The following ZBTB46 variants were observed in gnomAD, a reference collection of about 807,000 sequenced individuals.
ZBTB46 encodes the protein zinc finger and BTB domain-containing protein 46.
Under a neutral mutation model 44.1 loss-of-function variants are expected in ZBTB46, and 8 were observed. The observed-to-expected ratio is 0.18, with a 90% CI of 0.11 to 0.33. The LOEUF is 0.33. ZBTB46 is among the 10% of genes least tolerant of loss of function. ZBTB46 has a pLI of 1.00. For synonymous variants in ZBTB46, 409 were observed against 382.3 expected, an observed-to-expected ratio of 1.07 and a Z score of -0.81; for missense variants, 651 against 847.7, an observed-to-expected ratio of 0.77 and a Z score of 2.88.
At chr20:63,778,469 G>GGCAGGGGGCACTTGGA (rs895447108) in intron 2 of ZBTB46, among the ~76,000 whole-genome samples, 3 of 152,236 alleles carry the variant, frequency 2.0e-5, no homozygotes, top group Admixed American at 2.0e-4. Context: ...AGGGGCATGG[G>GGCAGGGGGCACTTGGA]GCAGGGGGCA....
At position 63,747,149 on chromosome 20, in the gene ZBTB46, G is replaced by A. The variant is rs747844724; in HGVS notation, c.1551C>T (p.Gly517=). Reference sequence around the variant, plus strand: ...CCTCTGGAGAGCCCTCGCCGCCTCCGCCGCCATGGTCCAGGGGCCCGGCCA... The same window carrying A: ...CCTCTGGAGAGCCCTCGCCGCCTCCACCGCCATGGTCCAGGGGCCCGGCCA... ...RGMAGPLDHG[G]GGGEGSPEAL... Residue 517 remains glycine (G), a synonymous_variant, in exon 5 of 5, where the codon GGC becomes GGT. Coordinates refer to ENST00000245663, the MANE Select transcript of ZBTB46 (RefSeq NM_001369741.1). 3 of 1,609,776 alleles carry A rather than the reference G, an allele frequency of 1.9e-6. No individual in the cohort carries two copies. Among genetic ancestry groups the A allele is most frequent in the South Asian group, 1.1e-5 (1 of 90,902 alleles).
At chr20:63,796,342 G>C (rs1261068905) in intron 1 of ZBTB46, among the ~76,000 whole-genome samples, 1 of 152,194 alleles carries the variant, frequency 6.6e-6, no homozygotes, top group African/African-American at 2.4e-5. Context: ...CCTGGCACGC[G>C]GCGTCCCGGG....
chr20:63,754,248 C>CT (rs2092198672), intron 3 of ZBTB46, among the ~76,000 whole-genome samples: 1 of 152,224 alleles, frequency 6.6e-6, no homozygotes, highest in African/African-American at 2.4e-5. Flanking sequence ...GGCCTGTCCT[C>CT]TGTCAGCCAC....
Position 63,790,076 on chromosome 20 carries a change from T to C in ZBTB46, c.682A>G (p.Ile228Val), listed in dbSNP as rs2092547807. The C allele has an allele frequency of 1.2e-6, 2 of 1,614,032 alleles. No individual in the cohort carries two copies. Among genetic ancestry groups the C allele is most frequent in the Non-Finnish European group, 1.7e-6 (2 of 1,180,026 alleles). ...GACGGTGAAACCTGCTCTTCCTTGATGCGCAGAGGCCCGTAGCCCACGTCT... is the reference window on the plus strand; with the variant it reads ...GACGGTGAAACCTGCTCTTCCTTGACGCGCAGAGGCCCGTAGCCCACGTCT... ...PGDVGYGPLR[I>V]KEEQVSPSQY... The change falls in exon 2 of 5, where the codon ATC becomes GTC. Residue 228 changes from isoleucine to valine, a missense_variant. Ile to Val is a conservative substitution (Grantham distance 29). Transcript: ENST00000245663.
chr20:63,770,464 T>C (rs1013125572), intron 3 of ZBTB46, among the ~76,000 whole-genome samples: 1 of 152,148 alleles, frequency 6.6e-6, no homozygotes, highest in African/African-American at 2.4e-5. Flanking sequence ...AGATTGATGG[T>C]CTAGTAATGA....
chr20:63,800,273 T>TAATA (rs771342049), intron 1 of ZBTB46, among the ~76,000 whole-genome samples: 10 of 152,184 alleles, frequency 6.6e-5, no homozygotes, highest in Non-Finnish European at 1.5e-5. Context: ...ATTCCCTTTA[T>TAATA]AGGAAACTCT....
At chr20:63,808,802 G>A (rs897132743) in intron 1 of ZBTB46, among the ~76,000 whole-genome samples, 29 of 151,816 alleles carry the variant, frequency 1.9e-4, no homozygotes, top group African/African-American at 6.0e-4. Context: ...GTGAAACCCC[G>A]TCTCTACTAA....
intron 2 of ZBTB46, among the ~76,000 whole-genome samples, chr20:63,779,404 TAA>T (rs1184998376): frequency 1.0e-3 from 108 of 106,766 alleles, no homozygotes; most frequent in African/African-American, 3.9e-3. Flanking sequence ...CCACGCCGGC[TAA>T]TTTTTTTTTT....
chr20:63,766,196 T>A (rs1295271227), intron 3 of ZBTB46, among the ~76,000 whole-genome samples: 1 of 140,378 alleles, frequency 7.1e-6, no homozygotes, highest in African/African-American at 2.7e-5. Flanking sequence ...GCCCAACAGC[T>A]GAGAGATCCT....
rs931172869 is a variant in ZBTB46 at position 63,747,008 on chromosome 20, G to A, written c.1692C>T (p.Asp564=). 1.6e-5 allele frequency: 26 copies of A among 1,607,894 alleles called. No individual in the cohort carries two copies. The highest frequency in any genetic ancestry group is 1.6e-4 in the Middle Eastern group (1 of 6,078). The part of the protein sequence containing the change: ...GLAPEDALLA[D]DKDEEDSPRP... ...GCGGCGAGTCTTCCTCATCCTTGTC[G>A]TCCGCCAACAGCGCATCCTCAGGGG... Residue 564 remains aspartate (D), a synonymous_variant, in exon 5 of 5, where the codon GAC becomes GAT. Coordinates refer to ENST00000245663, the MANE Select transcript of ZBTB46 (RefSeq NM_001369741.1).
In ZBTB46 at chr20:63,769,500, C is replaced by T. The variant is rs543512984; in HGVS notation, c.1222+6178G>A. 38 of 947,518 alleles carry T rather than the reference C, an allele frequency of 4.0e-5. 1 individual carries two copies. The South Asian group carries it at 1.6e-3, about 40-fold the overall frequency. The allele number at this position is 947,518 out of a possible 1,614,324, so 58.7% of individuals were successfully genotyped here. ...GGCATGCGGTGTGAGCCCGGTGATG[C>T]CCCAAGGGTCTCGCTGGAGGCAGGT... On this transcript the variant is annotated intron_variant, in intron 3 of 4. Transcript: ENST00000245663.
intron 4 of ZBTB46, among the ~76,000 whole-genome samples, chr20:63,749,229 C>T (rs1157304375): frequency 1.3e-5 from 2 of 152,266 alleles, no homozygotes; most frequent in Admixed American, 6.5e-5. Flanking sequence ...AGGGCCAGGG[C>T]AGCACCACAC....
Position 63,789,868 on chromosome 20 carries a change from G to A in ZBTB46, c.890C>T (p.Pro297Leu), listed in dbSNP as rs1241201014. ...CCACCCCGACGTCGGCAGGAAGGAC[G>A]GCACCGGGGAGCTGGCCCGGCTGTC... ...EDDSRASSPV[P>L]SFLPTSGWPF... The change falls in exon 2 of 5, where the codon CCG (proline) becomes CTG (leucine). Residue 297 changes from proline to leucine, a missense_variant. Pro to Leu is a moderately conservative substitution (Grantham distance 98). Around this residue, in one of 5 missense-constraint regions of ZBTB46, gnomAD observed 385 missense variants for 423.3 expected, o/e 0.91. Coordinates refer to ENST00000245663, the MANE Select transcript of ZBTB46 (RefSeq NM_001369741.1). The A allele has an allele frequency of 7.4e-6, 12 of 1,613,274 alleles. No individual in the cohort carries two copies. Among genetic ancestry groups the A allele is most frequent in the African/African-American group, 5.3e-5 (4 of 74,946 alleles).
intron 1 of ZBTB46, among the ~76,000 whole-genome samples, chr20:63,813,453 A>AT (rs199744608): frequency 0.017 from 2,625 of 150,306 alleles, 73 homozygotes; most frequent in African/African-American, 0.059. Context: ...ATCTCAAAAA[A>AT]AAAAAATAAA....
intron 3 of ZBTB46, among the ~76,000 whole-genome samples, chr20:63,765,712 G>A (rs2092315527): frequency 1.2e-5 from 1 of 83,706 alleles, no homozygotes; most frequent in South Asian, 4.2e-4. Flanking sequence ...TTACAGGCAT[G>A]AGCCATTGCA....
intron 2 of ZBTB46, among the ~76,000 whole-genome samples, chr20:63,784,748 T>G (rs1202140063): frequency 6.6e-6 from 1 of 152,166 alleles, no homozygotes; most frequent in Middle Eastern, 3.2e-3. Flanking sequence ...CTGCTGTAAC[T>G]CAGAAATAAA....
At chr20:63,750,302 T>G (rs1249047075) in intron 4 of ZBTB46, among the ~76,000 whole-genome samples, 1 of 152,120 alleles carries the variant, frequency 6.6e-6, no homozygotes, top group African/African-American at 2.4e-5. Context: ...TGGAGTGCAG[T>G]GGTGCAATCA....
intron 1 of ZBTB46, among the ~76,000 whole-genome samples, chr20:63,796,889 G>A (rs1377050323): frequency 1.3e-5 from 2 of 151,928 alleles, no homozygotes; most frequent in African/African-American, 4.8e-5. Flanking sequence ...AATCTAACAG[G>A]CCAGGCACGG....
In ZBTB46 at chr20:63,778,405, T is replaced by C. The variant is rs1165685647; in HGVS notation, c.938-2443A>G. Among the ~76,000 whole-genome samples the C allele has an allele frequency of 2.0e-5, 3 of 152,138 alleles. No homozygotes were observed. In the East Asian group the frequency reaches 5.8e-4, roughly 29 times the overall value. The stretch of plus-strand genomic sequence containing the variant: ...CAGATATTTTCCCACAGCAAGAGAA[T>C]GGATTTTCCACCGTGGTCGTTGACA... On this transcript the variant is annotated intron_variant, in intron 2 of 4. Coordinates refer to ENST00000245663, the MANE Select transcript of ZBTB46 (RefSeq NM_001369741.1).
Sources: allele counts gnomAD v4.1 joint callset (sites outside exome capture counted in the v4.1 genomes callset), GRCh38; gene constraint gnomAD v4.1.1; regional missense constraint gnomAD v4.1.1; transcripts MANE v1.5; gene names NCBI Gene and HGNC (gene_info 2026-07-23, HGNC 2026-07-21).